Variants in SNCAIP observed in about 807,000 individuals in gnomAD.
SNCAIP encodes synuclein alpha interacting protein.
SNCAIP carries 43 observed loss-of-function variants against 86.7 expected under a neutral mutation model. That is an observed-to-expected ratio of 0.50 (90% confidence interval 0.39 to 0.64). The LOEUF (loss-of-function observed/expected upper bound fraction) is 0.64. Ranked by LOEUF, SNCAIP falls within the 30% of genes least tolerant of loss-of-function variation. SNCAIP has a pLI of 0.00. For missense variants in SNCAIP, 981 were observed against 1,103.1 expected, an observed-to-expected ratio of 0.89 and a Z score of 1.57; for synonymous variants, 417 against 427.2, an observed-to-expected ratio of 0.98 and a Z score of 0.29.
At chr5:122,334,496 C>G (rs781128705) in intron 1 of SNCAIP, among the ~76,000 whole-genome samples, 3 of 152,136 alleles carry the variant, frequency 2.0e-5, no homozygotes, top group African/African-American at 7.2e-5. Flanking sequence ...TCCAGCTGAC[C>G]TATGTTTAAG....
intron 1 of SNCAIP, among the ~76,000 whole-genome samples, chr5:122,365,774 C>G (rs1763054092): frequency 6.6e-6 from 1 of 152,110 alleles, no homozygotes; most frequent in African/African-American, 2.4e-5. Flanking sequence ...TGTGTCTATG[C>G]CAAACTCTGT....
In SNCAIP at chr5:122,451,217, A is replaced by G; in HGVS notation, c.2370A>G (p.Lys790=). ...QPSPDSTAAQ[K]VATSPKSALK... ...GCCCTGACAGTACTGCTGCCCAGAA[A>G]GTTGCCACAAGTCCCAAGAGTGCCC... Residue 790 remains lysine, a synonymous_variant, in exon 10 of 11, where the codon AAA becomes AAG. Coordinates refer to ENST00000261368, the MANE Select transcript of SNCAIP (RefSeq NM_005460.4). 1 of 1,614,138 alleles carries G rather than the reference A, an allele frequency of 6.2e-7. No individual in the cohort carries two copies.
At chr5:122,326,199 T>C (rs1225523939) in intron 1 of SNCAIP, among the ~76,000 whole-genome samples, 1 of 152,150 alleles carries the variant, frequency 6.6e-6, no homozygotes, top group Non-Finnish European at 1.5e-5. Context: ...TCTTGTAGGC[T>C]CTTGAGGGTA....
chr5:122,392,359 A>G (rs778156979), intron 2 of SNCAIP, among the ~76,000 whole-genome samples: 1 of 151,784 alleles, frequency 6.6e-6, no homozygotes, highest in Non-Finnish European at 1.5e-5. Context: ...CTTCCTTCCC[A>G]TGATATATTT....
At chr5:122,361,552 G>GT (rs942456637) in intron 1 of SNCAIP, among the ~76,000 whole-genome samples, 4 of 152,200 alleles carry the variant, frequency 2.6e-5, no homozygotes, top group South Asian at 2.1e-4. Flanking sequence ...TGAAGGAGCT[G>GT]TTTTTTTAAA....
intron 10 of SNCAIP, chr5:122,454,345 G>T (rs533377241): frequency 6.6e-6 from 1 of 152,666 alleles, no homozygotes; most frequent in Non-Finnish European, 1.5e-5. Flanking sequence ...CCCCTAGGGG[G>T]CTCATTAATT....
intron 3 of SNCAIP, among the ~76,000 whole-genome samples, chr5:122,415,792 C>G (rs1775187656): frequency 6.6e-6 from 1 of 152,154 alleles, no homozygotes; most frequent in Non-Finnish European, 1.5e-5. Context: ...AAATGGTGAG[C>G]CTTTCACTGT....
At chr5:122,334,305 A>T (rs1018115181) in intron 1 of SNCAIP, among the ~76,000 whole-genome samples, 1 of 152,140 alleles carries the variant, frequency 6.6e-6, no homozygotes, top group Non-Finnish European at 1.5e-5. Flanking sequence ...AAGTTTTCAA[A>T]TGACTTGCCC....
chr5:122,432,205 C>G, intron 6 of SNCAIP, 123 bp downstream of exon 6: 1 of 666,206 alleles, frequency 1.5e-6, no homozygotes, highest in East Asian at 2.7e-5. Flanking sequence ...AGGTATATAA[C>G]CAATGATATT....
At chr5:122,359,132 C>T (rs1761694459) in intron 1 of SNCAIP, among the ~76,000 whole-genome samples, 2 of 151,796 alleles carry the variant, frequency 1.3e-5, no homozygotes, top group Non-Finnish European at 2.9e-5. Context: ...TGAAAATCAC[C>T]TTCAAATAAG....
chr5:122,445,472 C>T (rs1782074562), intron 8 of SNCAIP, among the ~76,000 whole-genome samples: 2 of 152,024 alleles, frequency 1.3e-5, no homozygotes, highest in Admixed American at 6.5e-5. Context: ...GGAGTTAACA[C>T]CTGCCTGAGG....
intron 1 of SNCAIP, among the ~76,000 whole-genome samples, chr5:122,319,849 C>A (rs532405115): frequency 3.3e-5 from 5 of 152,258 alleles, no homozygotes; most frequent in South Asian, 4.2e-4. Context: ...CAGTTTTAAG[C>A]CATGGAGGAG....
chr5:122,326,041 A>G (rs1320585347), intron 1 of SNCAIP, among the ~76,000 whole-genome samples: 1 of 152,018 alleles, frequency 6.6e-6, no homozygotes, highest in Non-Finnish European at 1.5e-5. Flanking sequence ...AAACTAATAA[A>G]CTCTATTTGT....
intron 1 of SNCAIP, among the ~76,000 whole-genome samples, chr5:122,358,199 GTGTGTATATATA>G (rs1488610656): frequency 9.7e-6 from 1 of 102,772 alleles, no homozygotes; most frequent in African/African-American, 4.2e-5. Context: ...GTGTGTGTGT[GTGTGTATATATA>G]TATATATAAA....
chr5:122,458,630 T>C (rs1785372728), intron 10 of SNCAIP, among the ~76,000 whole-genome samples: 1 of 152,182 alleles, frequency 6.6e-6, no homozygotes, highest in South Asian at 2.1e-4. Context: ...CTGGTGCTCT[T>C]CGTTCCCACG....
intron 1 of SNCAIP, among the ~76,000 whole-genome samples, chr5:122,383,202 G>T (rs1481369823): frequency 6.6e-6 from 1 of 152,234 alleles, no homozygotes; most frequent in Non-Finnish European, 1.5e-5. Context: ...GACTCCGTGG[G>T]CGTAGGACCC....
At chr5:122,348,271 C>T (rs1167730548) in intron 1 of SNCAIP, among the ~76,000 whole-genome samples, 3 of 151,960 alleles carry the variant, frequency 2.0e-5, no homozygotes. Context: ...GATATCTTAA[C>T]TCATTAAAGG....
chr5:122,400,740 T>C (rs7737747), intron 2 of SNCAIP, among the ~76,000 whole-genome samples: 5,799 of 152,128 alleles, frequency 0.038, 362 homozygotes, highest in African/African-American at 0.13. Flanking sequence ...GAACAGAAAG[T>C]AAACAAAATT....
At chr5:122,338,465 A>C (rs922897233) in intron 1 of SNCAIP, among the ~76,000 whole-genome samples, 1 of 152,230 alleles carries the variant, frequency 6.6e-6, no homozygotes, top group Non-Finnish European at 1.5e-5. Context: ...TTAGTGCTAC[A>C]GTAAAAACCA....
Sources: gnomAD v4.1 joint callset for allele counts (sites outside exome capture counted in the v4.1 genomes callset) on GRCh38, gnomAD v4.1.1 for gene constraint, MANE v1.5 for transcripts, NCBI Gene and HGNC (gene_info 2026-07-23, HGNC 2026-07-21) for gene names.